The following NMBR variants were observed in gnomAD, a reference collection of about 807,000 sequenced individuals.
NMBR encodes the protein neuromedin B receptor, also known as neuromedin-B receptor.
In NMBR, 16 loss-of-function variants were observed where a neutral mutation model predicts 20.5. The ratio of observed to expected loss-of-function variants is 0.78; its 90% CI spans 0.53 to 1.19. The LOEUF is 1.19. Among genes scored for constraint, NMBR ranks in the 50% most tolerant of loss-of-function variants. The pLI is 0.00. For synonymous variants in NMBR, 212 were observed against 196.6 expected, an observed-to-expected ratio of 1.08 and a Z score of -0.65; for missense variants, 582 against 499.1, an observed-to-expected ratio of 1.17 and a Z score of -1.58.
chr6:142,085,340 A>G (rs1032178567), intron 2 of NMBR, among the ~76,000 whole-genome samples: 6 of 152,198 alleles, frequency 3.9e-5, no homozygotes, highest in African/African-American at 1.2e-4. Flanking sequence ...CCTGGCCAAC[A>G]TGGTGAAACC....
At chr6:142,113,799 A>G (rs1777809500) in intron 1 of NMBR, among the ~76,000 whole-genome samples, 3 of 152,162 alleles carry the variant, frequency 2.0e-5, no homozygotes, top group Non-Finnish European at 4.4e-5. Context: ...TTATTTACAG[A>G]TATTTATCTG....
intron 1 of NMBR, among the ~76,000 whole-genome samples, chr6:142,093,959 A>C (rs185654335): frequency 0.64 from 94,653 of 148,004 alleles, 32,254 homozygotes; most frequent in East Asian, 0.87. Flanking sequence ...TTCTTTTGAG[A>C]AGTGTCTGTT....
chr6:142,099,350 A>T (rs938222881), intron 1 of NMBR, among the ~76,000 whole-genome samples: 1 of 152,212 alleles, frequency 6.6e-6, no homozygotes, highest in East Asian at 1.9e-4. Flanking sequence ...AACAGGAAGC[A>T]TGACTGGGAG....
chr6:142,124,228 A>G (rs921243007), intron 1 of NMBR, among the ~76,000 whole-genome samples: 2 of 151,944 alleles, frequency 1.3e-5, no homozygotes, highest in Non-Finnish European at 2.9e-5. Context: ...CTTGTTAGGT[A>G]ATTTTTCCAA....
chr6:142,139,321 T>C (rs1778323955), intron 1 of NMBR, among the ~76,000 whole-genome samples: 2 of 152,248 alleles, frequency 1.3e-5, no homozygotes, highest in African/African-American at 2.4e-5. Flanking sequence ...ATTGTCAACG[T>C]ATATCCCTTT....
intron 3 of NMBR, among the ~76,000 whole-genome samples, chr6:142,077,432 A>G (rs1385504966): frequency 6.6e-6 from 1 of 151,664 alleles, no homozygotes; most frequent in Non-Finnish European, 1.5e-5. Context: ...CACAGGGCTC[A>G]AGTAAAAGAA....
At chr6:142,121,458 G>A (rs1204935198) in intron 1 of NMBR, among the ~76,000 whole-genome samples, 2 of 151,866 alleles carry the variant, frequency 1.3e-5, no homozygotes, top group Non-Finnish European at 2.9e-5. Flanking sequence ...GAATGTAAAG[G>A]AAAAATTCTT....
At chr6:142,123,074 A>T (rs1008011753) in intron 1 of NMBR, among the ~76,000 whole-genome samples, 20 of 151,990 alleles carry the variant, frequency 1.3e-4, no homozygotes, top group African/African-American at 4.8e-4. Flanking sequence ...AATTGAAAAT[A>T]TTTTGGAAAG....
chr6:142,134,893 A>C, intron 1 of NMBR: 1 of 608,238 alleles, frequency 1.6e-6, no homozygotes, highest in Non-Finnish European at 2.9e-6. Flanking sequence ...GATCATATTT[A>C]GAAGATTATA....
chr6:142,102,110 T>G (rs1340639098), intron 1 of NMBR, among the ~76,000 whole-genome samples: 1 of 152,066 alleles, frequency 6.6e-6, no homozygotes, highest in Non-Finnish European at 1.5e-5. Context: ...TACTTGCAGC[T>G]GGGCGCGGTG....
At chr6:142,112,952 T>C (rs1468401758) in intron 1 of NMBR, among the ~76,000 whole-genome samples, 1 of 152,056 alleles carries the variant, frequency 6.6e-6, no homozygotes, top group Non-Finnish European at 1.5e-5. Flanking sequence ...CACAAAGTTA[T>C]AACAAAAATT....
At chr6:142,098,078 T>C (rs1283431761) in intron 1 of NMBR, among the ~76,000 whole-genome samples, 3 of 151,986 alleles carry the variant, frequency 2.0e-5, no homozygotes, top group Non-Finnish European at 4.4e-5. Flanking sequence ...GTGACTACAG[T>C]TGGATCTCCA....
At chr6:142,121,743 C>T (rs1777946629) in intron 1 of NMBR, among the ~76,000 whole-genome samples, 1 of 151,788 alleles carries the variant, frequency 6.6e-6, no homozygotes, top group South Asian at 2.1e-4. Context: ...CTCTGTTTCC[C>T]TCCCTTTCCC....
chr6:142,088,229 G>C lies in NMBR; in HGVS notation c.422+8C>G, dbSNP rs758825398. 1.2e-6 allele frequency: 2 copies of C among 1,607,334 alleles called. No homozygotes were observed. Among genetic ancestry groups the C allele is most frequent in the Non-Finnish European group, 1.7e-6 (2 of 1,179,220 alleles). Reference sequence around the variant, plus strand: ...TTCCAAGCCACTCACAGCTACCTGTGCTCTTACCTGTCGGCGCTGAGGGCA... The same window carrying C: ...TTCCAAGCCACTCACAGCTACCTGTCCTCTTACCTGTCGGCGCTGAGGGCA... On this transcript the variant is annotated splice_region_variant and intron_variant, in intron 2 of 3. Transcript: ENST00000258042.
chr6:142,103,408 A>G (rs923777711), intron 1 of NMBR, among the ~76,000 whole-genome samples: 3 of 152,244 alleles, frequency 2.0e-5, no homozygotes, highest in Admixed American at 2.0e-4. Context: ...AGAAATGTAC[A>G]TAAAGTTTTA....
chr6:142,112,880 T>C (rs1249060391), intron 1 of NMBR, among the ~76,000 whole-genome samples: 1 of 149,160 alleles, frequency 6.7e-6, no homozygotes, highest in Non-Finnish European at 1.5e-5. Flanking sequence ...ATTAATTTGA[T>C]TAAAAGAGGA....
In NMBR at chr6:142,075,688, A is replaced by G. The variant is rs1279443747; in HGVS notation, c.1133T>C (p.Leu378Ser). 1.2e-6 allele frequency: 2 copies of G among 1,613,438 alleles called. No homozygotes were observed. The highest frequency in any genetic ancestry group is 1.7e-6 in the Non-Finnish European group (2 of 1,179,652). Residue 378 changes from leucine to serine, a missense_variant, in exon 4 of 4, where the codon TTA becomes TCA. Physicochemically the swap from Leu to Ser is moderately radical, Grantham distance 145 (BLOSUM62 -2). Transcript: ENST00000258042. ...NAKNMVTNSV[L>S]LNGHSMKQEM... Reference sequence around the variant, plus strand: ...CTGCTTCATGCTGTGCCCATTTAGTAAAACAGAATTGGTCACCATGTTCTT... The same window carrying G: ...CTGCTTCATGCTGTGCCCATTTAGTGAAACAGAATTGGTCACCATGTTCTT...
At chr6:142,140,021 A>G (rs1009868281) in intron 1 of NMBR, among the ~76,000 whole-genome samples, 1 of 152,178 alleles carries the variant, frequency 6.6e-6, no homozygotes, top group African/African-American at 2.4e-5. Context: ...GTGGGATGCT[A>G]CATATTAAAA....
chr6:142,122,685 C>CA (rs1332625517), intron 1 of NMBR, among the ~76,000 whole-genome samples: 1 of 151,810 alleles, frequency 6.6e-6, no homozygotes, highest in Non-Finnish European at 1.5e-5. Flanking sequence ...ATTTGGAATT[C>CA]AAAAAATCCT....
Sources: allele counts gnomAD v4.1 joint callset (sites outside exome capture counted in the v4.1 genomes callset), GRCh38; gene constraint gnomAD v4.1.1; transcripts MANE v1.5; gene names NCBI Gene and HGNC (gene_info 2026-07-23, HGNC 2026-07-21).